The following EFCAB8 variants were observed in gnomAD, a reference collection of about 807,000 sequenced individuals.
EFCAB8 encodes the protein EF-hand calcium binding domain 8.
EFCAB8 carries 100 observed loss-of-function variants against 116.3 expected under a neutral mutation model. The ratio of observed to expected loss-of-function variants is 0.86; its 90% confidence interval spans 0.73 to 1.02. The LOEUF is 1.02. EFCAB8 is among the 50% of genes least tolerant of loss of function. The pLI is 0.00. For missense variants in EFCAB8, 1,320 were observed against 1,416.9 expected (o/e 0.93, Z 1.10); for synonymous variants, 558 against 567.9 (o/e 0.98, Z 0.25).
intron 26 of EFCAB8, among the ~76,000 whole-genome samples, chr20:32,960,449 C>T (rs1357513908): frequency 6.6e-6 from 1 of 152,244 alleles, no homozygotes; most frequent in Admixed American, 6.5e-5. Context: ...TCTATAGCCT[C>T]CAAGCATTTC....
At chr20:32,892,166 C>A (rs1224051554) in intron 7 of EFCAB8, 47 bp from the exon 8 acceptor site, 2 of 1,515,472 alleles carry the variant, frequency 1.3e-6, no homozygotes, top group East Asian at 2.5e-5. Context: ...CTGAAGACCT[C>A]CCAGGCATGG....
intron 22 of EFCAB8, among the ~76,000 whole-genome samples, chr20:32,935,779 A>G (rs565095493): frequency 6.6e-6 from 1 of 152,232 alleles, no homozygotes; most frequent in African/African-American, 2.4e-5. Context: ...TGCTGGGATT[A>G]CAAGAGTGAG....
At chr20:32,871,648 T>G (rs771101077) in intron 3 of EFCAB8, among the ~76,000 whole-genome samples, 6 of 152,132 alleles carry the variant, frequency 3.9e-5, no homozygotes, top group Non-Finnish European at 8.8e-5. Context: ...CTTTTGTTGA[T>G]GTAGGATAAA....
At chr20:32,921,295 G>T (rs1181342) in intron 20 of EFCAB8, among the ~76,000 whole-genome samples, 151,849 of 151,854 alleles carry the variant, frequency 1, 75,922 homozygotes, top group Middle Eastern at 1. Context: ...TGGGCTGAAG[G>T]GACCCTCCCA....
intron 1 of EFCAB8, among the ~76,000 whole-genome samples, chr20:32,859,659 T>G (rs1984001160): frequency 6.6e-6 from 1 of 152,252 alleles, no homozygotes. Flanking sequence ...ATAGACTAAT[T>G]GTGAACATTT....
At chr20:32,933,562 T>C (rs1472138627) in intron 22 of EFCAB8, among the ~76,000 whole-genome samples, 2 of 152,194 alleles carry the variant, frequency 1.3e-5, no homozygotes, top group Non-Finnish European at 2.9e-5. Context: ...CAAAACTTTT[T>C]CCTCCTGTCT....
In EFCAB8 at chr20:32,950,815, A is replaced by G. The variant is rs958062585; in HGVS notation, c.2959+7011A>G. 4.6e-4 allele frequency among the ~76,000 whole-genome samples: 70 copies of G among 152,076 alleles called. 1 individual carries two copies. The highest frequency in any genetic ancestry group is 4.1e-3 in the Admixed American group (63 of 15,270). On this transcript the variant is annotated intron_variant, in intron 23 of 26. Transcript: ENST00000400522. ...CCTCCCTCTGTGCCCAAGCTGTCCT[A>G]TTGTATTTTACTGTCTGCTCTTTTT...
chr20:32,892,290 G>T lies in EFCAB8; in HGVS notation c.751G>T (p.Asp251Tyr). Reference sequence around the variant, plus strand: ...TCTGGACAGCTGTGCTCTGGTCATGGACTACTGGTGAGTCTCCACTGGGTG... The same window carrying T: ...TCTGGACAGCTGTGCTCTGGTCATGTACTACTGGTGAGTCTCCACTGGGTG... Reference protein sequence around the residue: ...VDLDSCALVMDYWSDYHRGVF... With the variant: ...VDLDSCALVMYYWSDYHRGVF... Residue 251 changes from aspartate (D) to tyrosine (Y), a missense_variant, in exon 8 of 27, where the codon GAC becomes TAC. Transcript: ENST00000400522. The T allele has an allele frequency of 6.4e-7, 1 of 1,551,556 alleles. No homozygotes were observed. The highest frequency in any genetic ancestry group is 1.2e-5 in the South Asian group (1 of 84,056).
At chr20:32,865,924 T>C (rs1984376828) in intron 2 of EFCAB8, among the ~76,000 whole-genome samples, 4 of 151,962 alleles carry the variant, frequency 2.6e-5, no homozygotes, top group African/African-American at 7.3e-5. Flanking sequence ...AGACTACAGT[T>C]TGGGGCGAGC....
intron 10 of EFCAB8, among the ~76,000 whole-genome samples, chr20:32,896,792 C>T (rs1473220739): frequency 6.6e-6 from 1 of 152,198 alleles, no homozygotes; most frequent in Non-Finnish European, 1.5e-5. Context: ...CTGCAGTGGC[C>T]TCTAGCTGGG....
intron 16 of EFCAB8, 109 bp downstream of exon 16, chr20:32,911,816 A>C (rs768308473): frequency 3.3e-5 from 37 of 1,135,798 alleles, no homozygotes; most frequent in Non-Finnish European, 4.1e-5. Context: ...AAGGGTGTTC[A>C]TCATAGTCAG....
At chr20:32,945,135 C>G (rs955957995) in intron 23 of EFCAB8, among the ~76,000 whole-genome samples, 1 of 151,688 alleles carries the variant, frequency 6.6e-6, no homozygotes, top group African/African-American at 2.4e-5. Context: ...ATCTTCAGCT[C>G]TAGAATTTCT....
At chr20:32,901,520 T>C (rs1986425582) in intron 11 of EFCAB8, among the ~76,000 whole-genome samples, 1 of 145,826 alleles carries the variant, frequency 6.9e-6, no homozygotes, top group Admixed American at 6.7e-5. Context: ...GGGGGTCACC[T>C]CACCAGGGCC....
chr20:32,940,038 T>TTCCTTCCA (rs1988353788), intron 22 of EFCAB8, among the ~76,000 whole-genome samples: 1 of 53,982 alleles, frequency 1.9e-5, no homozygotes, highest in East Asian at 3.6e-4. Context: ...CCTTCCTTCC[T>TTCCTTCCA]TCCTTCCTTC....
At chr20:32,955,156 C>A (rs185745789) in intron 23 of EFCAB8, among the ~76,000 whole-genome samples, 2 of 152,142 alleles carry the variant, frequency 1.3e-5, no homozygotes, top group African/African-American at 2.4e-5. Context: ...CCTCCCTCCC[C>A]CTAAAGCCAA....
At chr20:32,939,536 G>A (rs1988320338) in intron 22 of EFCAB8, among the ~76,000 whole-genome samples, 1 of 147,492 alleles carries the variant, frequency 6.8e-6, no homozygotes, top group East Asian at 2.0e-4. Flanking sequence ...GCCTGCCTTG[G>A]CCTCTCAAAG....
At chr20:32,948,683 A>G (rs1452548218) in intron 23 of EFCAB8, among the ~76,000 whole-genome samples, 1 of 152,182 alleles carries the variant, frequency 6.6e-6, no homozygotes, top group Admixed American at 6.5e-5. Context: ...CAATGATCAC[A>G]TAGGGTTTAC....
rs1988209061 is a variant in EFCAB8 at position 32,938,507 on chromosome 20, C to A, written c.2791-5129C>A. Among the ~76,000 whole-genome samples, 4 of 149,540 alleles carry A rather than the reference C, an allele frequency of 2.7e-5. No homozygotes were observed. The South Asian group carries it at 8.4e-4, about 31-fold the overall frequency. On this transcript the variant is annotated intron_variant, in intron 22 of 26. Coordinates refer to ENST00000400522, the MANE Select transcript of EFCAB8 (RefSeq NM_001143967.2). The stretch of plus-strand genomic sequence containing the variant: ...TATTGGGGAGGAAGAAGTTAACTAT[C>A]TCTATCTGCAGATGACATAATCTTA...
intron 14 of EFCAB8, among the ~76,000 whole-genome samples, chr20:32,908,932 G>T (rs1986800283): frequency 6.6e-6 from 1 of 152,208 alleles, no homozygotes; most frequent in Admixed American, 6.5e-5. Context: ...TGTGAGGTCT[G>T]TCCTGACCCT....
Sources: allele counts gnomAD v4.1 joint callset (sites outside exome capture counted in the v4.1 genomes callset), GRCh38; gene constraint gnomAD v4.1.1; transcripts MANE v1.5; gene names NCBI Gene and HGNC (gene_info 2026-07-23, HGNC 2026-07-21).